Variants in HINT3 observed in about 807,000 individuals in gnomAD.
The protein encoded by HINT3 is histidine triad nucleotide binding protein 3, also known as adenosine 5'-monophosphoramidase HINT3.
HINT3 carries 16 observed loss-of-function variants against 19.1 expected under a neutral mutation model. The observed-to-expected ratio is 0.84, with a 90% CI of 0.57 to 1.27. HINT3 has a LOEUF of 1.27. Ranked by LOEUF, HINT3 falls within the 50% of genes most tolerant of loss-of-function variation. HINT3 has a pLI of 0.00. For synonymous variants in HINT3, 75 were observed against 84.8 expected (o/e 0.88, Z 0.63); for missense variants, 197 against 225.8 (o/e 0.87, Z 0.82).
rs1475345461 is a variant in HINT3 at position 125,978,922 on chromosome 6, T to C, written c.*1246T>C. On this transcript the variant is annotated 3_prime_UTR_variant, in exon 5 of 5. Transcript: ENST00000229633. ...ACCAGATATTGCCAGGATCAGGAAA[T>C]AAAGAACTAAAAATGGACATTCAGA... 6.6e-6 allele frequency: 1 copy of C among 152,174 alleles called. No homozygotes were observed. The highest frequency in any genetic ancestry group is 1.5e-5 in the Non-Finnish European group (1 of 68,020). 9.4% of individuals were successfully genotyped at this position (152,174 alleles called of 1,614,324 possible). A position where few individuals can be genotyped will look rare whatever the true frequency, so the allele number is the denominator to read the frequency against.
intron 2 of HINT3, among the ~76,000 whole-genome samples, chr6:125,968,294 T>C (rs1789046737): frequency 6.6e-6 from 1 of 152,238 alleles, no homozygotes; most frequent in Non-Finnish European, 1.5e-5. Flanking sequence ...GTAATTCATT[T>C]AGAATAATCG....
intron 4 of HINT3, among the ~76,000 whole-genome samples, chr6:125,975,581 GTTGT>G (rs1562215669): frequency 7.0e-6 from 1 of 143,616 alleles, no homozygotes; most frequent in Admixed American, 7.0e-5. Context: ...TGGCTGAAGA[GTTGT>G]TTTTTTTTTT....
At chr6:125,971,619 C>T (rs535057036) in intron 2 of HINT3, among the ~76,000 whole-genome samples, 57 of 151,766 alleles carry the variant, frequency 3.8e-4, no homozygotes, top group African/African-American at 1.3e-3. Flanking sequence ...ACTGCAGCCT[C>T]GACCTCCTGG....
chr6:125,961,957 A>C (rs2128710618), intron 1 of HINT3, among the ~76,000 whole-genome samples: 1 of 151,748 alleles, frequency 6.6e-6, no homozygotes, highest in Non-Finnish European at 1.5e-5. Context: ...TATGACCCAC[A>C]ATCAGAAAGG....
intron 4 of HINT3, among the ~76,000 whole-genome samples, chr6:125,976,908 T>G (rs539805065): frequency 1.3e-5 from 2 of 152,282 alleles, no homozygotes; most frequent in Non-Finnish European, 2.9e-5. Flanking sequence ...AAAATAGACT[T>G]TATTTTTTAG....
At chr6:125,969,668 A>G (rs1483627291) in intron 2 of HINT3, among the ~76,000 whole-genome samples, 2 of 152,182 alleles carry the variant, frequency 1.3e-5, no homozygotes. Flanking sequence ...TTCTTTCAGC[A>G]GCATTTTATA....
intron 2 of HINT3, among the ~76,000 whole-genome samples, chr6:125,967,735 T>G: frequency 6.6e-6 from 1 of 152,236 alleles, no homozygotes; most frequent in Non-Finnish European, 1.5e-5. Context: ...TGAGCTCATA[T>G]TGCCTTATGG....
Position 125,957,103 on chromosome 6 carries a change from G to A in HINT3, c.126G>A (p.Lys42=). The change falls in exon 1 of 5, where the codon AAG becomes AAA. Residue 42 remains lysine, a synonymous_variant. Coordinates refer to ENST00000229633, the MANE Select transcript of HINT3 (RefSeq NM_138571.5). ...CCGCTGGCAAGTCACCAGAGCCCAA[G>A]GACTACGACAGCACCTGCGTGTTCT... ...CEAAGKSPEP[K]DYDSTCVFCR... is the part of the protein sequence containing the mutation. The A allele has an allele frequency of 1.3e-6, 2 of 1,550,918 alleles. No individual in the cohort carries two copies. The highest frequency in any genetic ancestry group is 1.7e-6 in the Non-Finnish European group (2 of 1,146,836).
Position 125,977,726 on chromosome 6 carries a change from T to G in HINT3, c.*50T>G. On this transcript the variant is annotated 3_prime_UTR_variant, in exon 5 of 5. Coordinates refer to ENST00000229633, the MANE Select transcript of HINT3 (RefSeq NM_138571.5). The stretch of plus-strand genomic sequence containing the variant: ...CTAATCTTGGTTCAGCATGAAGTGG[T>G]ATTTAGGTCCCTTTTAAGTCTAATT... 1 of 1,125,024 alleles carries G rather than the reference T, an allele frequency of 8.9e-7. No homozygotes were observed. The highest frequency in any genetic ancestry group is 1.3e-6 in the Non-Finnish European group (1 of 788,080). The allele number at this position is 1,125,024 out of a possible 1,614,324, so 69.7% of individuals were successfully genotyped here.
intron 1 of HINT3, among the ~76,000 whole-genome samples, chr6:125,959,417 GCAATGT>G (rs1161731217): frequency 1.3e-5 from 2 of 152,220 alleles, no homozygotes; most frequent in African/African-American, 4.8e-5. Flanking sequence ...GGAATTGCCA[GCAATGT>G]CAGCAGCAAT....
At position 125,957,101 on chromosome 6, in the gene HINT3, A is replaced by T. The variant is rs1170664709; in HGVS notation, c.124A>T (p.Lys42Ter). The part of the protein sequence containing the change: ...CEAAGKSPEP[K>*]DYDSTCVFCR... Reference sequence around the variant, plus strand: ...AGCCGCTGGCAAGTCACCAGAGCCCAAGGACTACGACAGCACCTGCGTGTT... The same window carrying T: ...AGCCGCTGGCAAGTCACCAGAGCCCTAGGACTACGACAGCACCTGCGTGTT... The change falls in exon 1 of 5, where the codon AAG becomes TAG. Residue 42 changes from lysine to a stop codon, truncating the protein, a stop_gained. Coordinates refer to ENST00000229633, the MANE Select transcript of HINT3 (RefSeq NM_138571.5). LOFTEE classifies it high-confidence loss of function. The T allele has an allele frequency of 1.9e-6, 3 of 1,550,912 alleles. No homozygotes were observed. In the East Asian group the frequency reaches 7.3e-5, roughly 38 times the overall value.
chr6:125,964,750 ACACAC>A (rs1211415021), intron 1 of HINT3, among the ~76,000 whole-genome samples: 1 of 143,828 alleles, frequency 7.0e-6, no homozygotes, highest in African/African-American at 2.8e-5. Flanking sequence ...ACACACACAC[ACACAC>A]ACACACACAC....
intron 1 of HINT3, among the ~76,000 whole-genome samples, chr6:125,961,369 C>G (rs759868089): frequency 1.2e-4 from 19 of 152,158 alleles, no homozygotes; most frequent in Non-Finnish European, 2.4e-4. Context: ...TGGTTGTCCT[C>G]CATTTCAATT....
At chr6:125,976,925 T>C (rs1666098018) in intron 4 of HINT3, among the ~76,000 whole-genome samples, 1 of 152,174 alleles carries the variant, frequency 6.6e-6, no homozygotes, top group East Asian at 1.9e-4. Flanking sequence ...TTAGAGCTGA[T>C]TTAAGTTCAC....
rs185919066 is a variant in HINT3 at position 125,967,100 on chromosome 6, G to A, written c.319+96G>A. On this transcript the variant is annotated intron_variant, in intron 2 of 4. Coordinates refer to ENST00000229633, the MANE Select transcript of HINT3 (RefSeq NM_138571.5). ...AAAAGAAAAAGTCTAGTTAAGTACTGTGAAAAAGGAGCATTATGACTTTTT... is the reference window on the plus strand; with the variant it reads ...AAAAGAAAAAGTCTAGTTAAGTACTATGAAAAAGGAGCATTATGACTTTTT... The A allele has an allele frequency of 3.0e-5, 21 of 697,844 alleles. No homozygotes were observed. In the Admixed American group the frequency reaches 3.6e-4, roughly 12 times the overall value. The allele number at this position is 697,844 out of a possible 1,614,324, so 43.2% of individuals were successfully genotyped here. A position where few individuals can be genotyped will look rare whatever the true frequency, so the allele number is the denominator to read the frequency against.
intron 4 of HINT3, among the ~76,000 whole-genome samples, chr6:125,975,293 C>T (rs1789165078): frequency 6.6e-6 from 1 of 152,096 alleles, no homozygotes; most frequent in Admixed American, 6.5e-5. Flanking sequence ...CTTGAGGGTC[C>T]ATGTGAAAGT....
intron 2 of HINT3, among the ~76,000 whole-genome samples, chr6:125,969,770 T>C (rs1485369871): frequency 6.6e-6 from 1 of 152,194 alleles, no homozygotes; most frequent in Non-Finnish European, 1.5e-5. Flanking sequence ...GATTGTGTTC[T>C]TGATTTAGAC....
At chr6:125,966,042 ACT>A (rs752791287) in intron 1 of HINT3, among the ~76,000 whole-genome samples, 1 of 152,112 alleles carries the variant, frequency 6.6e-6, no homozygotes, top group Non-Finnish European at 1.5e-5. Context: ...TCTAAGGGAA[ACT>A]CTGCTTACAC....
At chr6:125,970,229 G>A (rs370295223) in intron 2 of HINT3, among the ~76,000 whole-genome samples, 25 of 152,234 alleles carry the variant, frequency 1.6e-4, no homozygotes, top group Middle Eastern at 3.4e-3. Flanking sequence ...GTCATTTGAA[G>A]TTCTATCAGT....
Sources: gnomAD v4.1 joint callset for allele counts (sites outside exome capture counted in the v4.1 genomes callset) on GRCh38, gnomAD v4.1.1 for gene constraint, MANE v1.5 for transcripts, NCBI Gene and HGNC (gene_info 2026-07-23, HGNC 2026-07-21) for gene names.